Variants in UBE3D observed in about 807,000 individuals in gnomAD.
UBE3D encodes the protein E3 ubiquitin-protein ligase E3D.
Under a neutral mutation model 49.6 loss-of-function variants are expected in UBE3D, and 48 were observed. That is an observed-to-expected ratio of 0.97 (90% confidence interval 0.77 to 1.23). UBE3D has a LOEUF of 1.23. Ranked by LOEUF, UBE3D falls within the 50% of genes most tolerant of loss-of-function variation. The pLI is 0.00. For missense variants in UBE3D, 452 were observed against 468.4 expected, an observed-to-expected ratio of 0.96 and a Z score of 0.32; for synonymous variants, 189 against 174.2, an observed-to-expected ratio of 1.08 and a Z score of -0.67.
rs558836483 is a variant in UBE3D, at chr6:83,044,231, G to A, written c.597+197C>T. Among the ~76,000 whole-genome samples, 5 of 152,258 alleles carry A rather than the reference G, an allele frequency of 3.3e-5. No individual in the cohort carries two copies. The East Asian group carries it at 9.7e-4, about 29-fold the overall frequency. ...AGGTCTTCCTCTCCTTATTCTTCCA[G>A]GCGCCTGTGGCTGTTTTAGTTTAAA... On this transcript the variant is annotated intron_variant, in intron 4 of 9. Coordinates refer to ENST00000369747, the MANE Select transcript of UBE3D (RefSeq NM_198920.3).
chr6:82,926,971 G>T (rs1773798827), intron 9 of UBE3D, among the ~76,000 whole-genome samples: 1 of 152,072 alleles, frequency 6.6e-6, no homozygotes, highest in African/African-American at 2.4e-5. Flanking sequence ...TCTTCGAAGG[G>T]TTTGTTTGGT....
At chr6:82,997,457 C>T (rs575883574) in intron 8 of UBE3D, among the ~76,000 whole-genome samples, 20 of 152,260 alleles carry the variant, frequency 1.3e-4, no homozygotes, top group African/African-American at 4.1e-4. Flanking sequence ...CAGTGGCTCA[C>T]GCCTGTAATC....
At chr6:83,054,332 A>G (rs946066334) in intron 2 of UBE3D, 94 bp from the exon 3 acceptor site, 7 of 928,956 alleles carry the variant, frequency 7.5e-6, no homozygotes, top group Non-Finnish European at 1.2e-5. Flanking sequence ...ATTACCATCC[A>G]TAAACAGTTT....
At chr6:82,964,339 TAAC>T (rs1177156461) in intron 8 of UBE3D, among the ~76,000 whole-genome samples, 2 of 152,184 alleles carry the variant, frequency 1.3e-5, no homozygotes, top group African/African-American at 4.8e-5. Context: ...TCGTTTAATG[TAAC>T]ACAGGTTAAA....
chr6:82,943,765 C>T (rs1445625149), intron 9 of UBE3D, among the ~76,000 whole-genome samples: 4 of 152,204 alleles, frequency 2.6e-5, no homozygotes, highest in Non-Finnish European at 5.9e-5. Flanking sequence ...CCACCCCTCT[C>T]CCATTCCCCC....
chr6:82,961,624 T>C (rs1324333580), intron 8 of UBE3D, among the ~76,000 whole-genome samples: 2 of 152,188 alleles, frequency 1.3e-5, no homozygotes, highest in Admixed American at 1.3e-4. Flanking sequence ...AAACCATAAG[T>C]AGGAATTTAA....
At chr6:82,909,196 G>A (rs1006798701) in intron 9 of UBE3D, among the ~76,000 whole-genome samples, 1 of 152,178 alleles carries the variant, frequency 6.6e-6, no homozygotes, top group Non-Finnish European at 1.5e-5. Flanking sequence ...TTCTTCAGTG[G>A]AAAGAAAAAT....
At chr6:82,891,071 A>G (rs1036185491), downstream of UBE3D, among the ~76,000 whole-genome samples, 3 of 152,212 alleles carry the variant, frequency 2.0e-5, no homozygotes, top group Admixed American at 2.0e-4. Context: ...AAAATAGCAT[A>G]CTAAGCTTAG....
At position 83,053,587 on chromosome 6, in the gene UBE3D, A is replaced by G. The variant is rs142312258; in HGVS notation, c.365+561T>C. Among the ~76,000 whole-genome samples, 731 of 152,262 alleles carry G rather than the reference A, an allele frequency of 4.8e-3. 24 individuals are homozygous for G. The highest frequency in any genetic ancestry group is 0.046 in the Admixed American group (696 of 15,290). On this transcript the variant is annotated intron_variant, in intron 3 of 9. Transcript: ENST00000369747. ...CAAAAACAACAACAACAACGAAAAA[A>G]CCAACAAAGAGTCCTTCCCATCTCA...
Position 83,039,961 on chromosome 6 carries a change from A to G in UBE3D, c.598-1476T>C, listed in dbSNP as rs561400297. Among the ~76,000 whole-genome samples the G allele has an allele frequency of 3.3e-5, 5 of 152,276 alleles. No homozygotes were observed. In the South Asian group the frequency reaches 1.0e-3, roughly 32 times the overall value. On this transcript the variant is annotated intron_variant, in intron 4 of 9. Coordinates refer to ENST00000369747, the MANE Select transcript of UBE3D (RefSeq NM_198920.3). ...GGCCTACTGTGTTTTTAAAAAATGAAATACAATAGAACAGAAAATATGACA... is the reference window on the plus strand; with the variant it reads ...GGCCTACTGTGTTTTTAAAAAATGAGATACAATAGAACAGAAAATATGACA...
At chr6:82,980,493 A>G (rs1778040058) in intron 8 of UBE3D, among the ~76,000 whole-genome samples, 1 of 152,002 alleles carries the variant, frequency 6.6e-6, no homozygotes, top group Admixed American at 6.6e-5. Flanking sequence ...TGTCAGTTGT[A>G]TATTTTACAG....
At chr6:83,061,360 G>T (rs188505435) in intron 1 of UBE3D, among the ~76,000 whole-genome samples, 1,649 of 152,262 alleles carry the variant, frequency 0.011, 18 homozygotes, top group Admixed American at 0.018. Flanking sequence ...TAGACAACTG[G>T]TAAAACATGA....
intron 8 of UBE3D, among the ~76,000 whole-genome samples, chr6:82,986,227 C>T (rs1562153407): frequency 6.6e-6 from 1 of 151,902 alleles, no homozygotes; most frequent in Non-Finnish European, 1.5e-5. Flanking sequence ...AATCCCAGCA[C>T]TTTTGGAGGC....
chr6:82,950,735 A>G lies in UBE3D; in HGVS notation c.1149+6577T>C, dbSNP rs1775729001. ...CATCAACAGATGAATGAATAAAGAAAATGTGGCACATACACACAATGGAAT... is the reference window on the plus strand; with the variant it reads ...CATCAACAGATGAATGAATAAAGAAGATGTGGCACATACACACAATGGAAT... On this transcript the variant is annotated intron_variant, in intron 9 of 9. Transcript: ENST00000369747. Among the ~76,000 whole-genome samples, 4 of 152,234 alleles carry G rather than the reference A, an allele frequency of 2.6e-5. No homozygotes were observed. In the South Asian group the frequency reaches 8.3e-4, roughly 32 times the overall value.
At position 82,994,743 on chromosome 6, in the gene UBE3D, CAATT is replaced by C. The variant is rs768770643; in HGVS notation, c.1010+24226_1010+24229del. ...GGTTGGATGTGGGGGAAGTTGGAAA[CAATT>C]AAAGACAAACTTTAGGTTTTGAGTC... On this transcript the variant is annotated intron_variant, in intron 8 of 9. Transcript: ENST00000369747. Among the ~76,000 whole-genome samples, 10 of 152,174 alleles carry C rather than the reference CAATT, an allele frequency of 6.6e-5. No homozygotes were observed. In the South Asian group the frequency reaches 1.0e-3, roughly 16 times the overall value.
intron 8 of UBE3D, among the ~76,000 whole-genome samples, chr6:82,991,623 C>T (rs1370986581): frequency 6.6e-6 from 1 of 151,998 alleles, no homozygotes; most frequent in African/African-American, 2.4e-5. Flanking sequence ...TCCTCCTCCT[C>T]CAAATTCTGG....
intron 8 of UBE3D, among the ~76,000 whole-genome samples, chr6:83,001,242 G>T (rs760835760): frequency 6.6e-6 from 1 of 152,296 alleles, no homozygotes; most frequent in South Asian, 2.1e-4. Context: ...GCACTGATCA[G>T]TTTGCAGTTT....
At chr6:83,023,140 C>T (rs1380361105) in intron 6 of UBE3D, among the ~76,000 whole-genome samples, 4 of 152,230 alleles carry the variant, frequency 2.6e-5, no homozygotes, top group African/African-American at 9.6e-5. Flanking sequence ...AATAAAAACA[C>T]TAATAGATTT....
In UBE3D at chr6:83,012,765, T is replaced by C. The variant is rs759777086; in HGVS notation, c.1010+6208A>G. ...ATTGGCTACAGCCCATGCATCAGTA[T>C]ATAATTGCACATCTGGCCATTTCTC... On this transcript the variant is annotated intron_variant, in intron 8 of 9. Coordinates refer to ENST00000369747, the MANE Select transcript of UBE3D (RefSeq NM_198920.3). 3.9e-5 allele frequency among the ~76,000 whole-genome samples: 6 copies of C among 152,286 alleles called. No homozygotes were observed. The South Asian group carries it at 1.0e-3, about 26-fold the overall frequency.
Sources: gnomAD v4.1 joint callset for allele counts (sites outside exome capture counted in the v4.1 genomes callset) on GRCh38, gnomAD v4.1.1 for gene constraint, MANE v1.5 for transcripts, NCBI Gene and HGNC (gene_info 2026-07-23, HGNC 2026-07-21) for gene names.